VEZT: variants seen among roughly 807,000 people sequenced by gnomAD.
VEZT encodes the protein vezatin.
In VEZT, 39 loss-of-function variants were observed where a neutral mutation model predicts 79.9. The observed-to-expected ratio is 0.49, with a 90% confidence interval of 0.38 to 0.64. VEZT has a LOEUF of 0.64. Ranked by LOEUF, VEZT falls within the 30% of genes least tolerant of loss-of-function variation. The pLI is 0.00. For missense variants in VEZT, 837 were observed against 893.1 expected, an observed-to-expected ratio of 0.94 and a Z score of 0.80; for synonymous variants, 325 against 327.6, an observed-to-expected ratio of 0.99 and a Z score of 0.09.
intron 9 of VEZT, among the ~76,000 whole-genome samples, chr12:95,291,102 C>CA (rs554813508): frequency 1.3e-3 from 201 of 151,126 alleles, no homozygotes; most frequent in African/African-American, 4.6e-3. Flanking sequence ...CCATCTCTAC[C>CA]AAAAAAAACA....
chr12:95,247,726 T>A (rs2061917105), intron 1 of VEZT, among the ~76,000 whole-genome samples: 1 of 152,134 alleles, frequency 6.6e-6, no homozygotes, highest in Non-Finnish European at 1.5e-5. Context: ...TTAAATAATA[T>A]ACAAGTTATT....
intron 1 of VEZT, among the ~76,000 whole-genome samples, chr12:95,225,774 AAAAAAAAAAAAAAAAAAAAG>A (rs1238680293): frequency 2.7e-4 from 36 of 135,560 alleles, no homozygotes; most frequent in African/African-American, 9.9e-4. Context: ...AAAAAAAAAA[AAAAAAAAAAAAAAAAAAAAG>A]AGAGAGAAGG....
chr12:95,285,615 C>T (rs1021703195), intron 8 of VEZT, among the ~76,000 whole-genome samples: 2 of 152,032 alleles, frequency 1.3e-5, no homozygotes, highest in Admixed American at 1.3e-4. Context: ...ATAACACTGT[C>T]TCTCTGTGGT....
chr12:95,252,398 A>AT (rs932436137), intron 2 of VEZT: 4 of 172,884 alleles, frequency 2.3e-5, no homozygotes, highest in African/African-American at 9.4e-5. Context: ...TACTAACTGG[A>AT]TTTTTCTCTT....
At chr12:95,228,469 G>T (rs1360935332) in intron 1 of VEZT, among the ~76,000 whole-genome samples, 3 of 151,912 alleles carry the variant, frequency 2.0e-5, no homozygotes, top group African/African-American at 7.3e-5. Flanking sequence ...TTCCTGTCTA[G>T]AATAATTATA....
chr12:95,268,865 A>G, intron 5 of VEZT, among the ~76,000 whole-genome samples: 1 of 152,224 alleles, frequency 6.6e-6, no homozygotes, highest in East Asian at 1.9e-4. Context: ...ATTTAGTAAA[A>G]TGGAGCACAA....
intron 4 of VEZT, among the ~76,000 whole-genome samples, chr12:95,263,556 T>C (rs975537010): frequency 2.6e-5 from 4 of 152,020 alleles, no homozygotes; most frequent in African/African-American, 4.8e-5. Context: ...GAGACTGATA[T>C]GGGAGGATTG....
chr12:95,241,004 C>T (rs2060935269), intron 1 of VEZT, among the ~76,000 whole-genome samples: 1 of 151,884 alleles, frequency 6.6e-6, no homozygotes, highest in Non-Finnish European at 1.5e-5. Context: ...GCGCTGCTCA[C>T]ATCCACCCCA....
intron 2 of VEZT, among the ~76,000 whole-genome samples, chr12:95,254,152 CTTCT>C (rs1383549969): frequency 2.0e-5 from 3 of 150,836 alleles, no homozygotes; most frequent in Non-Finnish European, 1.5e-5. Context: ...AGCTAATTTT[CTTCT>C]TTATTTTTTG....
At chr12:95,226,021 G>A (rs61937952) in intron 1 of VEZT, among the ~76,000 whole-genome samples, 16,716 of 151,252 alleles carry the variant, frequency 0.11, 1,352 homozygotes, top group African/African-American at 0.23. Flanking sequence ...CTTAAACCCA[G>A]GAGTTCAAGG....
At chr12:95,262,043 G>A (rs915753283) in intron 3 of VEZT, among the ~76,000 whole-genome samples, 1 of 152,152 alleles carries the variant, frequency 6.6e-6, no homozygotes, top group African/African-American at 2.4e-5. Context: ...CTTTTATCCT[G>A]TACCATCCCA....
Position 95,251,966 on chromosome 12 carries a change from GGATCTGGGACACACA to G in VEZT, c.66_80del (p.Leu23_Asp27del). 6.2e-7 allele frequency: 1 copy of G among 1,610,186 alleles called. No individual in the cohort carries two copies. The highest frequency in any genetic ancestry group is 1.1e-5 in the South Asian group (1 of 90,208). Reference sequence around the variant, plus strand: ...ATTCTCCACTTTACCAATACTTACAGGATCTGGGACACACAGACTTTGAAATATGTTCTTCTTTGT... The same window carrying G: ...ATTCTCCACTTTACCAATACTTACAGGACTTTGAAATATGTTCTTCTTTGT... On this transcript the variant is annotated inframe_deletion, in exon 2 of 12. Transcript: ENST00000436874.
At chr12:95,276,259 C>CTTTTTTTTTTTT (rs35034660) in intron 7 of VEZT, among the ~76,000 whole-genome samples, 14 of 75,158 alleles carry the variant, frequency 1.9e-4, no homozygotes, top group Non-Finnish European at 2.4e-4. Flanking sequence ...TAATTTTTTT[C>CTTTTTTTTTTTT]TTTTTTTTTT....
At chr12:95,250,915 T>C (rs2137798247) in intron 1 of VEZT, among the ~76,000 whole-genome samples, 1 of 152,314 alleles carries the variant, frequency 6.6e-6, no homozygotes, top group African/African-American at 2.4e-5. Context: ...ATTACTGCTA[T>C]TTTTAGATGA....
At chr12:95,275,759 A>C (rs2067561471) in intron 7 of VEZT, 1 of 152,150 alleles carries the variant, frequency 6.6e-6, no homozygotes, top group African/African-American at 2.4e-5. Flanking sequence ...GTTCACAAAA[A>C]AAGAAACACA....
chr12:95,218,154 G>A (rs1305636650), intron 1 of VEZT: 2 of 335,594 alleles, frequency 6.0e-6, no homozygotes, highest in Non-Finnish European at 1.1e-5. Context: ...CTGGAGCGGT[G>A]TCTCTTCCTT....
chr12:95,259,882 G>A (rs1374207381), intron 3 of VEZT, among the ~76,000 whole-genome samples: 1 of 152,102 alleles, frequency 6.6e-6, no homozygotes, highest in African/African-American at 2.4e-5. Flanking sequence ...TAATCAAAGA[G>A]TAATATCTAA....
rs573968534 is a variant in VEZT at position 95,249,076 on chromosome 12, A to C, written c.37-2864A>C. 3.3e-5 allele frequency among the ~76,000 whole-genome samples: 5 copies of C among 152,270 alleles called. No homozygotes were observed. In the South Asian group the frequency reaches 1.0e-3, roughly 32 times the overall value. On this transcript the variant is annotated intron_variant, in intron 1 of 11. Coordinates refer to ENST00000436874, the MANE Select transcript of VEZT (RefSeq NM_017599.4). The stretch of plus-strand genomic sequence containing the variant: ...TTATTGGGACATAGCCATACTCATT[A>C]GTTTATGTATTGGCTGAGTCTGTTT...
chr12:95,285,973 C>G lies in VEZT; in HGVS notation c.1329-1691C>G, dbSNP rs373584707. Reference sequence around the variant, plus strand: ...AAATAAAAAACCAAGACGCTCCCCCCGACCCCTTCTTTTTTTTTTTTTTTT... The same window carrying G: ...AAATAAAAAACCAAGACGCTCCCCCGGACCCCTTCTTTTTTTTTTTTTTTT... On this transcript the variant is annotated intron_variant, in intron 8 of 11. Transcript: ENST00000436874. Among the ~76,000 whole-genome samples, 493 of 146,984 alleles carry G rather than the reference C, an allele frequency of 3.4e-3. 1 individual carries two copies. The highest frequency in any genetic ancestry group is 0.011 in the African/African-American group (439 of 39,708).
Sources: allele counts gnomAD v4.1 joint callset (sites outside exome capture counted in the v4.1 genomes callset), GRCh38; gene constraint gnomAD v4.1.1; transcripts MANE v1.5; gene names NCBI Gene and HGNC (gene_info 2026-07-23, HGNC 2026-07-21).